RNF212B: variants seen among roughly 807,000 people sequenced by gnomAD.
RNF212B encodes E3 ubiquitin-protein ligase RNF212B.
Under a neutral mutation model 55.5 loss-of-function variants are expected in RNF212B, and 52 were observed. That is an observed-to-expected ratio of 0.94 (90% CI 0.75 to 1.18). RNF212B has a LOEUF of 1.18. Among genes scored for constraint, RNF212B ranks in the 50% most tolerant of loss-of-function variants. The pLI, the probability that RNF212B is intolerant of heterozygous loss-of-function variation, is 0.00. For synonymous variants in RNF212B, 99 were observed against 121.4 expected, an observed-to-expected ratio of 0.82 and a Z score of 1.21; for missense variants, 289 against 350.4, an observed-to-expected ratio of 0.82 and a Z score of 1.40.
chr14:23,232,811 C>T (rs1882803283), intron 2 of RNF212B, among the ~76,000 whole-genome samples: 2 of 145,022 alleles, frequency 1.4e-5, no homozygotes, highest in African/African-American at 5.0e-5. Context: ...TCTGCCCGGC[C>T]GCCACCCTGT....
chr14:23,258,690 G>A (rs1221691432), intron 5 of RNF212B, 26 bp downstream of exon 5: 2 of 859,368 alleles, frequency 2.3e-6, no homozygotes, highest in South Asian at 1.8e-5. Flanking sequence ...AGTCCCAAGA[G>A]AGCTTTTTTT....
intron 1 of RNF212B, among the ~76,000 whole-genome samples, chr14:23,186,519 T>C (rs1266559447): frequency 6.6e-6 from 1 of 152,092 alleles, no homozygotes; most frequent in Non-Finnish European, 1.5e-5. Context: ...CTGGCTAATT[T>C]TTGTGTTTTT....
rs60915610 is a variant in RNF212B at position 23,186,346 on chromosome 14, ATT to A, written c.-79+869_-79+870del. Among the ~76,000 whole-genome samples the A allele has an allele frequency of 3.6e-3, 525 of 146,330 alleles. 1 individual carries two copies. Among genetic ancestry groups the A allele is most frequent in the African/African-American group, 7.6e-3 (303 of 40,122 alleles). ...AACTAATGTTTATTAAATTTTGAGC[ATT>A]TTTTTTTTTTTTGAGAAGGAGTCTC... On this transcript the variant is annotated intron_variant, in intron 1 of 15. Coordinates refer to the RNF212B transcript ENST00000399910.
intron 4 of RNF212B, among the ~76,000 whole-genome samples, chr14:23,246,904 G>A (rs1360497193): frequency 6.6e-6 from 1 of 152,174 alleles, no homozygotes; most frequent in Admixed American, 6.5e-5. Context: ...ACTTTTGAAG[G>A]CCACGGTGGG....
At chr14:23,229,656 A>G (rs1659109760) in intron 2 of RNF212B, among the ~76,000 whole-genome samples, 1 of 152,156 alleles carries the variant, frequency 6.6e-6, no homozygotes, top group South Asian at 2.1e-4. Context: ...GAATCTTTTC[A>G]TGTGTCTGCT....
Position 23,244,389 on chromosome 14 carries a change from T to A in RNF212B, c.221T>A (p.Ile74Asn). The A allele has an allele frequency of 6.5e-7, 1 of 1,534,734 alleles. No homozygotes were observed. Among genetic ancestry groups the A allele is most frequent in the Non-Finnish European group, 8.8e-7 (1 of 1,137,004 alleles). ...VETALQYFSH[I>N]SQVWSFQKKQ... ...ACAGCTTTGCAGTATTTTAGTCACA[T>A]CTCTCAGGTATGAGAAACAAAAGTG... is the stretch of plus-strand genomic sequence containing the variant. The change falls in exon 4 of 15, where the codon ATC (isoleucine) becomes AAC (asparagine). Residue 74 changes from isoleucine to asparagine, a missense_variant. Ile to Asn is a moderately radical substitution (Grantham distance 149, BLOSUM62 -3). Transcript: ENST00000430154.
chr14:23,195,408 C>T (rs977943220), intron 2 of RNF212B, among the ~76,000 whole-genome samples: 2 of 152,184 alleles, frequency 1.3e-5, no homozygotes, highest in African/African-American at 4.8e-5. Flanking sequence ...GCGCTTGACT[C>T]GTAGCCCATC....
intron 4 of RNF212B, among the ~76,000 whole-genome samples, chr14:23,247,548 T>G (rs2140448122): frequency 6.6e-6 from 1 of 152,294 alleles, no homozygotes; most frequent in African/African-American, 2.4e-5. Flanking sequence ...CTAAGTATAA[T>G]GCTCTCAAGT....
At chr14:23,258,487 G>A in intron 4 of RNF212B, 62 bp from the exon 5 acceptor site, 2 of 738,212 alleles carry the variant, frequency 2.7e-6, no homozygotes, top group Non-Finnish European at 4.4e-6. Flanking sequence ...TCCCTTTCTT[G>A]CCAGAAGTGA....
intron 2 of RNF212B, among the ~76,000 whole-genome samples, chr14:23,211,640 A>G (rs2140390715): frequency 6.6e-6 from 1 of 152,352 alleles, no homozygotes; most frequent in East Asian, 1.9e-4. Flanking sequence ...TACGTCATGA[A>G]CAAATTTATC....
At chr14:23,234,791 A>G (rs931613379), upstream of RNF212B, among the ~76,000 whole-genome samples, 1 of 152,266 alleles carries the variant, frequency 6.6e-6, no homozygotes, top group African/African-American at 2.4e-5. Flanking sequence ...TAGAATTAAG[A>G]TTACTCAGGC....
Position 23,219,996 on chromosome 14 carries a change from C to A in RNF212B, c.-1-20349C>A, listed in dbSNP as rs530292382. On this transcript the variant is annotated intron_variant, in intron 2 of 15. Coordinates refer to the RNF212B transcript ENST00000399910. ...GTCAGGAGTTCGAGACCAGCCTAGC[C>A]AACATGGTGAAACTCCATCTCTACC... is the stretch of plus-strand genomic sequence containing the variant. Among the ~76,000 whole-genome samples the A allele has an allele frequency of 2.6e-5, 4 of 151,632 alleles. No individual in the cohort carries two copies. The East Asian group carries it at 7.9e-4, about 30-fold the overall frequency.
chr14:23,271,461 A>G (rs1886076454), intron 14 of RNF212B, among the ~76,000 whole-genome samples: 1 of 150,342 alleles, frequency 6.7e-6, no homozygotes, highest in Non-Finnish European at 1.5e-5. Flanking sequence ...AAAGAAAAAG[A>G]AAGAAAAAAA....
At chr14:23,255,662 C>T (rs1470723260) in intron 4 of RNF212B, among the ~76,000 whole-genome samples, 2 of 152,102 alleles carry the variant, frequency 1.3e-5, no homozygotes, top group African/African-American at 4.8e-5. Flanking sequence ...ACCAGGAGTT[C>T]AAGACCAGTC....
chr14:23,240,836 G>A (rs1883516527), intron 2 of RNF212B, among the ~76,000 whole-genome samples: 2 of 152,154 alleles, frequency 1.3e-5, no homozygotes, highest in South Asian at 4.1e-4. Context: ...ACATCAATTT[G>A]ATTAGAAATG....
At chr14:23,209,185 G>A (rs1336231569) in intron 2 of RNF212B, among the ~76,000 whole-genome samples, 1 of 152,098 alleles carries the variant, frequency 6.6e-6, no homozygotes, top group Non-Finnish European at 1.5e-5. Context: ...AACTGTCATG[G>A]TGCTGGTGGG....
intron 2 of RNF212B, among the ~76,000 whole-genome samples, chr14:23,217,262 G>GAA (rs1881183385): frequency 6.6e-6 from 1 of 151,384 alleles, no homozygotes; most frequent in Non-Finnish European, 1.5e-5. Context: ...TGGTGGGGGG[G>GAA]GGGCTCCTCT....
chr14:23,185,608 CG>C (rs1877512218), intron 1 of RNF212B: 2 of 71,278 alleles, frequency 2.8e-5, no homozygotes, highest in Middle Eastern at 5.1e-3. Flanking sequence ...AAACTGATAA[CG>C]ATATGGTAAG....
intron 2 of RNF212B, among the ~76,000 whole-genome samples, chr14:23,212,961 A>C (rs77767864): frequency 0.06 from 9,169 of 152,208 alleles, 319 homozygotes; most frequent in South Asian, 0.083. Context: ...TAATATCAGC[A>C]AATATAAAAT....
Sources: gnomAD v4.1 joint callset for allele counts (sites outside exome capture counted in the v4.1 genomes callset) on GRCh38, gnomAD v4.1.1 for gene constraint, MANE v1.5 for transcripts, NCBI Gene and HGNC (gene_info 2026-07-23, HGNC 2026-07-21) for gene names.